Variants in XG observed in about 807,000 individuals in gnomAD.
XG encodes Xg glycoprotein (Xg blood group), also known as glycoprotein Xg.
A neutral mutation model predicts 25.7 loss-of-function variants in XG; 24 were observed. The ratio of observed to expected loss-of-function variants is 0.93; its 90% CI spans 0.68 to 1.31. The LOEUF is 1.31. Among genes scored for constraint, XG ranks in the 40% most tolerant of loss-of-function variants. The pLI is 0.00. For missense variants in XG, 181 were observed against 187.6 expected, an observed-to-expected ratio of 0.96 and a Z score of 0.21; for synonymous variants, 77 against 69.2, an observed-to-expected ratio of 1.11 and a Z score of -0.56.
intron 1 of XG, among the ~76,000 whole-genome samples, chrX:2,769,975 C>A (rs2124447445): frequency 6.9e-6 from 1 of 143,918 alleles, no homozygotes; most frequent in Admixed American, 7.5e-5. Context: ...GCTTCACCTT[C>A]TTCTAGGGCA....
intron 1 of XG, among the ~76,000 whole-genome samples, chrX:2,758,476 G>C (rs1430241930): frequency 6.6e-6 from 1 of 152,188 alleles, no homozygotes; most frequent in Non-Finnish European, 1.5e-5. Context: ...CCTTTGCGTG[G>C]AGTCTCATGG....
intron 3 of XG, among the ~76,000 whole-genome samples, chrX:2,776,556 C>T (rs1408851539): frequency 6.6e-6 from 1 of 152,004 alleles, no homozygotes; most frequent in East Asian, 1.9e-4. Context: ...GTCTGGCTGG[C>T]TCTCTTAGCT....
At chrX:2,763,471 A>G (rs311125) in intron 1 of XG, among the ~76,000 whole-genome samples, 93,986 of 147,124 alleles carry the variant, frequency 0.64, 31,706 homozygotes, top group East Asian at 0.93. Flanking sequence ...TCCCTGGGGC[A>G]TGTGGCGGTG....
chrX:2,800,420 G>C (rs781017634), intron 7 of XG, among the ~76,000 whole-genome samples: 2 of 112,238 alleles, frequency 1.8e-5, no homozygotes, highest in East Asian at 2.8e-4. Flanking sequence ...CAGTCTGCTG[G>C]CCCTGGAGCG....
intron 5 of XG, among the ~76,000 whole-genome samples, chrX:2,792,739 A>C (rs2086849100): frequency 9.2e-6 from 1 of 108,584 alleles, no homozygotes; most frequent in African/African-American, 3.4e-5. Context: ...ATGACTCTTG[A>C]ACTCCCCAGA....
intron 2 of XG, among the ~76,000 whole-genome samples, chrX:2,773,745 AG>A (rs2050899890): frequency 8.9e-5 from 2 of 22,456 alleles, no homozygotes; most frequent in Admixed American, 3.9e-4. Flanking sequence ...GAAGGAGAGA[AG>A]GAAGGAAGGA....
chrX:2,760,484 C>T (rs957607831), intron 1 of XG, among the ~76,000 whole-genome samples: 1 of 151,118 alleles, frequency 6.6e-6, no homozygotes, highest in Non-Finnish European at 1.5e-5. Flanking sequence ...GCCTGTAATC[C>T]CAGCACTTTG....
chrX:2,800,449 A>G (rs970439629), intron 7 of XG, among the ~76,000 whole-genome samples: 1 of 112,432 alleles, frequency 8.9e-6, no homozygotes, highest in African/African-American at 3.2e-5. Context: ...AAAATAAGGC[A>G]AAGCAATATA....
In XG at chrX:2,804,697, G is replaced by A. The variant is rs190417160; in HGVS notation, c.374-2004G>A. On this transcript the variant is annotated intron_variant, in intron 7 of 10. Coordinates refer to ENST00000644266, the MANE Select transcript of XG (RefSeq NM_001141919.2). ...AAGTGATTCAGCAAGCGGCTCCCCT[G>A]AGAGCCCTGATCGTTTCCTGTTTTC... Among the ~76,000 whole-genome samples the A allele has an allele frequency of 3.2e-3, 355 of 111,706 alleles. 2 individuals are homozygous for A. The highest frequency in any genetic ancestry group is 0.011 in the African/African-American group (327 of 30,828).
At chrX:2,805,821 C>A (rs1400681070) in intron 7 of XG, among the ~76,000 whole-genome samples, 1 of 111,341 alleles carries the variant, frequency 9.0e-6, no homozygotes, top group African/African-American at 3.3e-5. Flanking sequence ...TCTCTAAGGA[C>A]GTTGTGTTCA....
At chrX:2,773,081 G>A (rs1417551753) in intron 2 of XG, among the ~76,000 whole-genome samples, 2 of 149,496 alleles carry the variant, frequency 1.3e-5, no homozygotes, top group South Asian at 4.3e-4. Flanking sequence ...AGAGAGGGAG[G>A]GAGGGTGGGA....
intron 2 of XG, among the ~76,000 whole-genome samples, chrX:2,774,015 C>A (rs904276525): frequency 5.4e-5 from 8 of 149,368 alleles, no homozygotes; most frequent in Admixed American, 2.7e-4. Context: ...GCACCACACA[C>A]AAACCCGTGT....
chrX:2,769,505 A>G (rs1203149216), intron 1 of XG, among the ~76,000 whole-genome samples: 1 of 152,190 alleles, frequency 6.6e-6, no homozygotes, highest in East Asian at 1.9e-4. Flanking sequence ...TTACTGCAAC[A>G]GAACTCAATG....
chrX:2,810,481 G>A (rs983998270), intron 9 of XG, among the ~76,000 whole-genome samples: 6 of 110,503 alleles, frequency 5.4e-5, no homozygotes, highest in Non-Finnish European at 1.1e-4. Flanking sequence ...TGCATGAGTG[G>A]GCATTCTACA....
At chrX:2,781,811 C>G (rs1055477406) in intron 3 of XG, among the ~76,000 whole-genome samples, 6 of 112,339 alleles carry the variant, frequency 5.3e-5, no homozygotes, top group African/African-American at 1.9e-4. Flanking sequence ...GACAGCTACA[C>G]TGGCTTCTTG....
chrX:2,756,833 T>A (rs2050446032), intron 1 of XG, among the ~76,000 whole-genome samples: 1 of 152,174 alleles, frequency 6.6e-6, no homozygotes, highest in South Asian at 2.1e-4. Flanking sequence ...TTTTGAGCTC[T>A]GGGCCCCACG....
chrX:2,791,493 A>G (rs2086837395), intron 5 of XG, among the ~76,000 whole-genome samples: 1 of 109,805 alleles, frequency 9.1e-6, no homozygotes, highest in Admixed American at 9.9e-5. Context: ...AAACGAACAC[A>G]CTTTTGCCCA....
chrX:2,763,951 G>T (rs1415545647), intron 1 of XG, among the ~76,000 whole-genome samples: 2 of 152,198 alleles, frequency 1.3e-5, no homozygotes, highest in Non-Finnish European at 2.9e-5. Flanking sequence ...GTAAAATGAG[G>T]CCGAGAGCTG....
chrX:2,778,944 A>T (rs2051061023), intron 3 of XG, among the ~76,000 whole-genome samples: 1 of 151,848 alleles, frequency 6.6e-6, no homozygotes, highest in South Asian at 2.1e-4. Flanking sequence ...GCATTTTTTT[A>T]GTAGAGACGG....
Sources: gnomAD v4.1 joint callset for allele counts (sites outside exome capture counted in the v4.1 genomes callset) on GRCh38, gnomAD v4.1.1 for gene constraint, MANE v1.5 for transcripts, NCBI Gene and HGNC (gene_info 2026-07-23, HGNC 2026-07-21) for gene names.